Variants in CPNE6 observed in about 807,000 individuals in gnomAD.
CPNE6 encodes copine-6.
A neutral mutation model predicts 71.5 loss-of-function variants in CPNE6; 33 were observed. The ratio of observed to expected loss-of-function variants is 0.46; its 90% CI spans 0.35 to 0.62. The LOEUF is 0.62. Ranked by LOEUF, CPNE6 falls within the 20% of genes least tolerant of loss-of-function variation. The pLI, the probability that CPNE6 is intolerant of heterozygous loss-of-function variation, is 0.00. For missense variants in CPNE6, 576 were observed against 747.3 expected (o/e 0.77, Z 2.67); for synonymous variants, 296 against 293.0 (o/e 1.01, Z -0.10).
intron 1 of CPNE6, 61 bp from the exon 1 acceptor site, chr14:24,071,501 G>GGGGCCCCCCCCC: frequency 3.8e-5 from 54 of 1,416,682 alleles, no homozygotes; most frequent in Non-Finnish European, 4.6e-5. Context: ...CTGGTGCTGC[G>GGGGCCCCCCCCC]CCCCCCCCCA....
Position 24,077,659 on chromosome 14 carries a change from G to A in CPNE6, c.1603G>A (p.Ala535Thr), listed in dbSNP as rs776112347. ...GCCACGGCAGGTGGTGGAGTACTACGCCAGCCAGGGCATCAGCCCTGGGGC... is the reference window on the plus strand; with the variant it reads ...GCCACGGCAGGTGGTGGAGTACTACACCAGCCAGGGCATCAGCCCTGGGGC... The change falls in exon 17 of 18, where the codon GCC (alanine) becomes ACC (threonine). Residue 535 changes from alanine (A) to threonine (T), a missense_variant. Physicochemically the swap from Ala to Thr is moderately conservative, Grantham distance 58. Around this residue, in one of 4 missense-constraint regions of CPNE6, gnomAD observed 264 missense variants for 339.9 expected, o/e 0.78. Transcript: ENST00000397016. This position sits in a 1 kb window ranked among gnomAD's most constrained non-coding sequence, Gnocchi z 6.1. 1.3e-5 allele frequency: 20 copies of A among 1,595,452 alleles called. No homozygotes were observed. Among genetic ancestry groups the A allele is most frequent in the Non-Finnish European group, 1.6e-5 (19 of 1,170,542 alleles).
chr14:24,074,643 G>T lies in CPNE6; in HGVS notation c.582+29G>T, dbSNP rs1205753763. On this transcript the variant is annotated intron_variant, in intron 7 of 17. Transcript: ENST00000397016. The surrounding 1 kb of genome is among the most constrained non-coding windows in gnomAD (Gnocchi z 4.5). Reference sequence around the variant, plus strand: ...GGTGCCTGGGGCTATGGGGATGAAGGGAGGGAGAGTAAAGTAAGAAGACAC... The same window carrying T: ...GGTGCCTGGGGCTATGGGGATGAAGTGAGGGAGAGTAAAGTAAGAAGACAC... 6.2e-7 allele frequency: 1 copy of T among 1,613,600 alleles called. No homozygotes were observed. Among genetic ancestry groups the T allele is most frequent in the Admixed American group, 1.7e-5 (1 of 60,018 alleles).
Position 24,073,131 on chromosome 14 carries a change from A to G in CPNE6, c.168+27A>G. On this transcript the variant is annotated intron_variant, in intron 3 of 17. Coordinates refer to ENST00000397016, the Ensembl canonical transcript of CPNE6. The surrounding 1 kb of genome is among the most constrained non-coding windows in gnomAD (Gnocchi z 5.5). The stretch of plus-strand genomic sequence containing the variant: ...TGAGAGCAGCTCAGGTTTCTCCTTA[A>G]CTAACCTGGGTTAAGCTTGGGAAAG... 2 of 1,434,834 alleles carry G rather than the reference A, an allele frequency of 1.4e-6. No individual in the cohort carries two copies. The highest frequency in any genetic ancestry group is 2.6e-5 in the East Asian group (1 of 38,030). 88.9% of individuals were successfully genotyped at this position (1,434,834 alleles called of 1,614,324 possible). A position where few individuals can be genotyped will look rare whatever the true frequency, so the allele number is the denominator to read the frequency against.
intron 1 of CPNE6, 78 bp from the exon 1 acceptor site, chr14:24,071,484 G>C (rs1047615566): frequency 1.3e-6 from 2 of 1,529,350 alleles, no homozygotes; most frequent in Non-Finnish European, 1.7e-6. Flanking sequence ...CATCCACGCG[G>C]GGGGAGCTGG....
rs1256042418 is a variant in CPNE6, at chr14:24,075,318, T to C, written c.777+42T>C. ...ACCCCCAGAATCCCACCCAGATCCC[T>C]GGGAGAATCCTGAGGGTGATGCTGA... On this transcript the variant is annotated intron_variant, in intron 9 of 17. Transcript: ENST00000397016. This position sits in a 1 kb window ranked among gnomAD's most constrained non-coding sequence, Gnocchi z 4.3. 4 of 1,554,750 alleles carry C rather than the reference T, an allele frequency of 2.6e-6. No homozygotes were observed. The highest frequency in any genetic ancestry group is 2.7e-6 in the Non-Finnish European group (3 of 1,126,056).
In CPNE6 at chr14:24,074,711, G is replaced by A. The variant is rs1377204706; in HGVS notation, c.588G>A (p.Val196=). The A allele has an allele frequency of 1.2e-6, 2 of 1,614,006 alleles. No homozygotes were observed. Among genetic ancestry groups the A allele is most frequent in the Non-Finnish European group, 1.7e-6 (2 of 1,180,016 alleles). The change falls in exon 8 of 18, where the codon GTG becomes GTA. Residue 196 remains valine, a synonymous_variant. Transcript: ENST00000397016. This position sits in a 1 kb window ranked among gnomAD's most constrained non-coding sequence, Gnocchi z 4.5. ...CCACCTGGTGCCTCTCCAAGGTGGT[G>A]AAGAACAACCTGAACCCCAGCTGGG...
rs2035941342 is a variant in CPNE6, at chr14:24,072,826, C to A, written c.-4-107C>A. ...CAGGAGGTCCGTGAGGCCCCAGGGT[C>A]TAGGGAAGGAGGTTAAGGGGTGGGG... On this transcript the variant is annotated intron_variant, in intron 2 of 17. Coordinates refer to ENST00000397016, the Ensembl canonical transcript of CPNE6. The A allele has an allele frequency of 1.6e-5, 17 of 1,069,088 alleles. No homozygotes were observed. In the South Asian group the frequency reaches 3.5e-4, roughly 22 times the overall value. 66.2% of individuals were successfully genotyped at this position (1,069,088 alleles called of 1,614,324 possible).
chr14:24,074,039 C>G lies in CPNE6; in HGVS notation c.349-12C>G. The G allele has an allele frequency of 6.2e-7, 1 of 1,612,848 alleles. No individual in the cohort carries two copies. The highest frequency in any genetic ancestry group is 8.5e-7 in the Non-Finnish European group (1 of 1,178,800). ...ATGTCACAGCTGGGTCTCCCTCCACCTCCATCCCCAGATTGTGTCACAAAC... is the reference window on the plus strand; with the variant it reads ...ATGTCACAGCTGGGTCTCCCTCCACGTCCATCCCCAGATTGTGTCACAAAC... On this transcript the variant is annotated splice_polypyrimidine_tract_variant and intron_variant, in intron 4 of 17. Transcript: ENST00000397016. This position sits in a 1 kb window ranked among gnomAD's most constrained non-coding sequence, Gnocchi z 4.5.
At chr14:24,076,555 A>G in exon 14 of CPNE6, 1 of 1,614,062 alleles carries the variant, frequency 6.2e-7, no homozygotes, top group Non-Finnish European at 8.5e-7. Context: ...CCTGAATGTG[A>G]AGGTAAAAGG....
At position 24,075,122 on chromosome 14, in the gene CPNE6, T is replaced by A. The variant is rs370885987; in HGVS notation, c.673-50T>A. 2 of 1,325,816 alleles carry A rather than the reference T, an allele frequency of 1.5e-6. No individual in the cohort carries two copies. Among genetic ancestry groups the A allele is most frequent in the Non-Finnish European group, 1.1e-6 (1 of 917,230 alleles). 82.1% of individuals were successfully genotyped at this position (1,325,816 alleles called of 1,614,324 possible). On this transcript the variant is annotated intron_variant, in intron 8 of 17. Transcript: ENST00000397016. The surrounding 1 kb of genome is among the most constrained non-coding windows in gnomAD (Gnocchi z 4.3). ...CCCGAGTCCCCCTACTCACCGTGAA[T>A]ACCGCAGAGCATCTCCAACCTGACC...
chr14:24,073,955 T>A lies in CPNE6; in HGVS notation c.349-96T>A. The A allele has an allele frequency of 8.3e-7, 1 of 1,206,150 alleles. No individual in the cohort carries two copies. Among genetic ancestry groups the A allele is most frequent in the Non-Finnish European group, 1.2e-6 (1 of 813,214 alleles). 74.7% of individuals were successfully genotyped at this position (1,206,150 alleles called of 1,614,324 possible). A position where few individuals can be genotyped will look rare whatever the true frequency, so the allele number is the denominator to read the frequency against. On this transcript the variant is annotated intron_variant, in intron 4 of 17. Coordinates refer to ENST00000397016, the Ensembl canonical transcript of CPNE6. This position sits in a 1 kb window ranked among gnomAD's most constrained non-coding sequence, Gnocchi z 5.5. ...CTAGCCCAACTCAAAGTGCCAACCC[T>A]TGCAGACACTCAGAGCATTTATTAT...
In CPNE6 at chr14:24,074,306, GTAT is replaced by G; in HGVS notation, c.440_442del (p.Val147_Ser148delinsAla). The G allele has an allele frequency of 6.3e-7, 1 of 1,576,152 alleles. No individual in the cohort carries two copies. Among genetic ancestry groups the G allele is most frequent in the Non-Finnish European group, 8.6e-7 (1 of 1,158,942 alleles). ...CCCCTTGCAGATCGTGGCCGAGGAG[GTAT>G]CAGGCACAAACGACTATGTGCAACT... On this transcript the variant is annotated inframe_deletion, in exon 6 of 18. Coordinates refer to ENST00000397016, the Ensembl canonical transcript of CPNE6. This position sits in a 1 kb window ranked among gnomAD's most constrained non-coding sequence, Gnocchi z 4.5.
At position 24,073,050 on chromosome 14, in the gene CPNE6, C is replaced by T; in HGVS notation, c.114C>T (p.Thr38=). Residue 38 remains threonine (T), a synonymous_variant, in exon 3 of 18, where the codon ACC becomes ACT. Transcript: ENST00000397016. The surrounding 1 kb of genome is among the most constrained non-coding windows in gnomAD (Gnocchi z 5.5). ...GCCTCCTGGACCGGGACACACTCAC[C>T]AAACCCCACCCCTGCGTGCTGCTCA... 6.4e-7 allele frequency: 1 copy of T among 1,558,202 alleles called. No individual in the cohort carries two copies. The highest frequency in any genetic ancestry group is 8.7e-7 in the Non-Finnish European group (1 of 1,154,032).
Position 24,074,891 on chromosome 14 carries a change from C to T in CPNE6, c.672+96C>T, listed in dbSNP as rs545891033. The T allele has an allele frequency of 1.0e-6, 1 of 992,366 alleles. No individual in the cohort carries two copies. The highest frequency in any genetic ancestry group is 1.6e-6 in the Non-Finnish European group (1 of 643,070). 61.5% of individuals were successfully genotyped at this position (992,366 alleles called of 1,614,324 possible). A position where few individuals can be genotyped will look rare whatever the true frequency, so the allele number is the denominator to read the frequency against. ...ATGTGGCAAGCCTCCCTCCTCTCCC[C>T]CAAGTGATAATCACATCCCACTGTG... On this transcript the variant is annotated intron_variant, in intron 8 of 17. Transcript: ENST00000397016. This position sits in a 1 kb window ranked among gnomAD's most constrained non-coding sequence, Gnocchi z 4.5.
intron 1 of CPNE6, chr14:24,071,053 G>T: frequency 6.5e-7 from 1 of 1,533,798 alleles, no homozygotes; most frequent in South Asian, 1.2e-5. Context: ...GTACATGTGT[G>T]ACAAGGACAG....
At chr14:24,076,002 G>A in intron 11 of CPNE6, 116 bp downstream of exon 10, 1 of 1,501,918 alleles carries the variant, frequency 6.7e-7, no homozygotes, top group Non-Finnish European at 9.2e-7. Context: ...CCTTCGCATT[G>A]TCAGCTTATG....
At chr14:24,071,166 G>A in intron 1 of CPNE6, 1 of 1,068,038 alleles carries the variant, frequency 9.4e-7, no homozygotes, top group Non-Finnish European at 1.4e-6. Flanking sequence ...TCCGCCGGGG[G>A]CTGTAACTGT....
chr14:24,076,247 G>C (rs1320171301), exon 12 of CPNE6: 3 of 1,614,136 alleles, frequency 1.9e-6, no homozygotes, highest in Non-Finnish European at 2.5e-6. Flanking sequence ...TGCAGGCCCT[G>C]CGTGCAGTGG....
At position 24,073,494 on chromosome 14, in the gene CPNE6, C is replaced by T. The variant is rs753292923; in HGVS notation, c.169-5C>T. 15 of 1,612,412 alleles carry T rather than the reference C, an allele frequency of 9.3e-6. No individual in the cohort carries two copies. The South Asian group carries it at 1.5e-4, about 17-fold the overall frequency. On this transcript the variant is annotated splice_polypyrimidine_tract_variant and splice_region_variant and intron_variant, in intron 3 of 17. Coordinates refer to ENST00000397016, the Ensembl canonical transcript of CPNE6. The surrounding 1 kb of genome is among the most constrained non-coding windows in gnomAD (Gnocchi z 5.5). ...GCCCTCGCCTCCCTTCAACCACTAC[C>T]ACAGGTAGAGCGCACAGAGGTGCTT...
Sources: gnomAD v4.1 joint callset for allele counts on GRCh38, gnomAD v4.1.1 for gene constraint, gnomAD v4.1.1 regional missense constraint, Gnocchi (gnomAD v3.1) non-coding constraint, MANE v1.5 for transcripts, NCBI Gene and HGNC (gene_info 2026-07-23, HGNC 2026-07-21) for gene names.